SHISA9: variants seen among roughly 807,000 people sequenced by gnomAD.
SHISA9 encodes the protein protein shisa-9.
SHISA9 carries 13 observed loss-of-function variants against 38.0 expected under a neutral mutation model. That is an observed-to-expected ratio of 0.34 (90% confidence interval 0.22 to 0.54). The LOEUF (loss-of-function observed/expected upper bound fraction) is 0.54, where lower values mean the gene tolerates loss of function less well. Among genes scored for constraint, SHISA9 ranks in the 20% least tolerant of loss-of-function variants. The pLI, the probability that SHISA9 is intolerant of heterozygous loss-of-function variation, is 0.91. For synonymous variants in SHISA9, 275 were observed against 242.0 expected (o/e 1.14, Z -1.27); for missense variants, 538 against 575.8 (o/e 0.93, Z 0.67).
chr16:13,442,615 T>C, the SHISA9 span, among the ~76,000 whole-genome samples: 1 of 152,092 alleles, frequency 6.6e-6, no homozygotes, highest in African/African-American at 2.4e-5. Context: ...AACAAATTCA[T>C]TTAAAAAAAT....
chr16:13,503,411 T>C, the SHISA9 span, among the ~76,000 whole-genome samples: 1 of 152,202 alleles, frequency 6.6e-6, no homozygotes, highest in African/African-American at 2.4e-5. Flanking sequence ...ATTCTATGAA[T>C]TGCTTAGGTG....
At chr16:13,175,594 C>T (rs2050725037) in intron 2 of SHISA9, among the ~76,000 whole-genome samples, 1 of 152,230 alleles carries the variant, frequency 6.6e-6, no homozygotes, top group South Asian at 2.1e-4. Context: ...GTTACTGTGA[C>T]TTGTAAGAGA....
chr16:12,955,992 A>G (rs1306976678), intron 2 of SHISA9, among the ~76,000 whole-genome samples: 1 of 152,182 alleles, frequency 6.6e-6, no homozygotes, highest in Non-Finnish European at 1.5e-5. Context: ...GGGAGAAAAT[A>G]TTTGTAAATT....
At chr16:13,393,799 CTG>C in the SHISA9 span, among the ~76,000 whole-genome samples, 1 of 152,182 alleles carries the variant, frequency 6.6e-6, no homozygotes, top group African/African-American at 2.4e-5. Flanking sequence ...CTGGCTGTCT[CTG>C]TGTCATACTG....
At chr16:13,272,699 A>T in the SHISA9 span, among the ~76,000 whole-genome samples, 1 of 152,234 alleles carries the variant, frequency 6.6e-6, no homozygotes, top group African/African-American at 2.4e-5. Context: ...TTATGTGAGG[A>T]TTGAGTGAAA....
At chr16:13,009,546 T>C (rs2072644351) in intron 2 of SHISA9, among the ~76,000 whole-genome samples, 2 of 152,206 alleles carry the variant, frequency 1.3e-5, no homozygotes, top group South Asian at 4.1e-4. Flanking sequence ...AAAGGGCCAA[T>C]AGCCGGAACC....
the SHISA9 span, among the ~76,000 whole-genome samples, chr16:13,305,476 C>T: frequency 1.6e-4 from 24 of 152,282 alleles, no homozygotes; most frequent in African/African-American, 5.3e-4. Context: ...TGAGAATGGG[C>T]TACAAGGACT....
At chr16:13,276,563 T>G in the SHISA9 span, among the ~76,000 whole-genome samples, 1 of 152,144 alleles carries the variant, frequency 6.6e-6, no homozygotes, top group Non-Finnish European at 1.5e-5. Context: ...GTTCACCATA[T>G]CCATGCCAAC....
intron 4 of SHISA9, among the ~76,000 whole-genome samples, chr16:13,230,622 G>A (rs143220454): frequency 7.3e-4 from 111 of 152,162 alleles, no homozygotes; most frequent in Admixed American, 4.1e-3. Flanking sequence ...AAGGAGTCCC[G>A]ACCTAGACCC....
intron 3 of SHISA9, among the ~76,000 whole-genome samples, chr16:13,209,500 C>A (rs765462923): frequency 3.9e-5 from 6 of 152,188 alleles, no homozygotes; most frequent in Non-Finnish European, 5.9e-5. Context: ...AGTTGATGCC[C>A]AGGCATATAG....
chr16:13,094,462 A>T (rs1039904748), intron 2 of SHISA9, among the ~76,000 whole-genome samples: 6 of 132,688 alleles, frequency 4.5e-5, no homozygotes, highest in African/African-American at 1.4e-4. Flanking sequence ...AGGCAAAAAT[A>T]AAAAAAAAAT....
At chr16:13,158,295 C>G (rs2050564978) in intron 2 of SHISA9, among the ~76,000 whole-genome samples, 1 of 152,222 alleles carries the variant, frequency 6.6e-6, no homozygotes, top group African/African-American at 2.4e-5. Context: ...TGGAATTAGT[C>G]TGAGTTCTTA....
chr16:13,488,119 T>C, the SHISA9 span, among the ~76,000 whole-genome samples: 1 of 152,124 alleles, frequency 6.6e-6, no homozygotes, highest in African/African-American at 2.4e-5. Flanking sequence ...TGTTAGCCAG[T>C]GAACTTGGCC....
At chr16:13,025,908 C>T (rs1050539819) in intron 2 of SHISA9, among the ~76,000 whole-genome samples, 13 of 152,016 alleles carry the variant, frequency 8.6e-5, no homozygotes, top group East Asian at 1.9e-4. Flanking sequence ...CAGGTTCAAG[C>T]GATTCTCCTG....
chr16:13,090,392 G>A (rs1481292366), intron 2 of SHISA9, among the ~76,000 whole-genome samples: 1 of 152,160 alleles, frequency 6.6e-6, no homozygotes, highest in Admixed American at 6.6e-5. Flanking sequence ...GTCTAATATT[G>A]ACAGTGGGGT....
At chr16:13,486,682 A>T in the SHISA9 span, among the ~76,000 whole-genome samples, 4 of 152,074 alleles carry the variant, frequency 2.6e-5, no homozygotes, top group Admixed American at 1.3e-4. Flanking sequence ...GGGATCTGCA[A>T]TAATCCTCTC....
chr16:13,257,484 C>CCAT, the SHISA9 span, among the ~76,000 whole-genome samples: 2 of 152,146 alleles, frequency 1.3e-5, no homozygotes, highest in African/African-American at 4.8e-5. Flanking sequence ...CATTCATACA[C>CCAT]CATCATCATC....
intron 2 of SHISA9, among the ~76,000 whole-genome samples, chr16:13,065,862 C>T (rs1406917849): frequency 6.6e-6 from 1 of 152,330 alleles, no homozygotes; most frequent in East Asian, 1.9e-4. Context: ...GACTGACTTC[C>T]ACAGCTCAAT....
chr16:13,512,979 C>T, the SHISA9 span, among the ~76,000 whole-genome samples: 1 of 152,134 alleles, frequency 6.6e-6, no homozygotes, highest in Non-Finnish European at 1.5e-5. Flanking sequence ...ACACCAAAAG[C>T]AATTGCAACG....
Sources: allele counts gnomAD v4.1 joint callset (sites outside exome capture counted in the v4.1 genomes callset), GRCh38; gene constraint gnomAD v4.1.1; transcripts MANE v1.5; gene names NCBI Gene and HGNC (gene_info 2026-07-23, HGNC 2026-07-21).